SLC44A1: variants seen among roughly 807,000 people sequenced by gnomAD.
The protein encoded by SLC44A1 is solute carrier family 44 member 1.
In SLC44A1, 26 loss-of-function variants were observed where a neutral mutation model predicts 79.3. The observed-to-expected ratio is 0.33, with a 90% CI of 0.24 to 0.46. The LOEUF (loss-of-function observed/expected upper bound fraction) is 0.46, where lower values mean the gene tolerates loss of function less well. Among genes scored for constraint, SLC44A1 ranks in the 20% least tolerant of loss-of-function variants. The probability of loss-of-function intolerance (pLI) is 1.00; values close to 1 mark genes in which losing one functional copy is unlikely to be tolerated. For synonymous variants in SLC44A1, 263 were observed against 286.2 expected (o/e 0.92, Z 0.82); for missense variants, 688 against 798.1 (o/e 0.86, Z 1.66).
rs200699902 is a variant in SLC44A1, at chr9:105,348,449, G to A, written c.498G>A (p.Ala166=). ...SVLCPKLPVP[A]SAPIPFFHRC... ...TCTGCCCCAAACTACCAGTTCCAGC[G>A]AGGTAAATTTTATTGCAAAGTTGTT... Residue 166 remains alanine, a splice_region_variant and synonymous_variant, in exon 5 of 16, where the codon GCG becomes GCA. Transcript: ENST00000374720. 105 of 1,588,488 alleles carry A rather than the reference G, an allele frequency of 6.6e-5. No homozygotes were observed. The highest frequency in any genetic ancestry group is 7.8e-5 in the Non-Finnish European group (90 of 1,157,362).
chr9:105,309,862 C>T lies in SLC44A1; in HGVS notation c.265C>T (p.Arg89Trp), dbSNP rs370558539. Residue 89 changes from arginine (R) to tryptophan (W), a missense_variant, in exon 3 of 16, where the codon CGG (arginine) becomes TGG (tryptophan). By Grantham distance (101) the Arg-to-Trp change is moderately radical. Transcript: ENST00000374720. ...AAACAGTGGCATGGACCACACCCAG[C>T]GGAAGTGAGTAGACTTGCTGAATGA... Reference protein sequence around the residue: ...IPNSGMDHTQRKYVFFLDPCN... With the variant: ...IPNSGMDHTQWKYVFFLDPCN... The T allele has an allele frequency of 2.4e-5, 38 of 1,612,408 alleles. No homozygotes were observed. The highest frequency in any genetic ancestry group is 1.7e-4 in the African/African-American group (13 of 74,976).
chr9:105,417,823 C>T (rs1829190593), intron 15 of SLC44A1, among the ~76,000 whole-genome samples: 1 of 113,312 alleles, frequency 8.8e-6, no homozygotes, highest in South Asian at 2.9e-4. Flanking sequence ...GGCAACATAG[C>T]AAGATCTCAT....
At chr9:105,245,475 C>T (rs1364460382) in intron 1 of SLC44A1, among the ~76,000 whole-genome samples, 2 of 152,228 alleles carry the variant, frequency 1.3e-5, no homozygotes, top group African/African-American at 2.4e-5. Context: ...TCCCGGAGCC[C>T]TTCCACGGCC....
intron 1 of SLC44A1, among the ~76,000 whole-genome samples, chr9:105,290,932 T>G (rs1761627188): frequency 6.6e-6 from 1 of 152,246 alleles, no homozygotes; most frequent in African/African-American, 2.4e-5. Flanking sequence ...TAGTTTTACC[T>G]TTCCATAATG....
In SLC44A1 at chr9:105,389,149, ATATG is replaced by A. The variant is rs1045425756; in HGVS notation, c.*99_*102del. ...TGTGTGTGGGTGTGTGTATATATGT[ATATG>A]TATGTGTGTATATATGTATATGTAT... On this transcript the variant is annotated 3_prime_UTR_variant, in exon 16 of 16. Coordinates refer to ENST00000374720, the MANE Select transcript of SLC44A1 (RefSeq NM_080546.5). 23 of 1,560,350 alleles carry A rather than the reference ATATG, an allele frequency of 1.5e-5. No individual in the cohort carries two copies. In the Admixed American group the frequency reaches 1.7e-4, roughly 11 times the overall value.
intron 5 of SLC44A1, among the ~76,000 whole-genome samples, chr9:105,352,847 AT>A (rs965234637): frequency 3.5e-4 from 54 of 152,178 alleles, no homozygotes; most frequent in African/African-American, 1.2e-3. Context: ...TTATTACTTA[AT>A]TTTTTTTGAT....
At chr9:105,384,636 G>A (rs756780629) in intron 14 of SLC44A1, among the ~76,000 whole-genome samples, 84 of 152,258 alleles carry the variant, frequency 5.5e-4, no homozygotes, top group Non-Finnish European at 8.8e-4. Flanking sequence ...AATGGAATTT[G>A]ATCATGATTA....
At chr9:105,434,109 G>A (rs150397637) in intron 15 of SLC44A1, among the ~76,000 whole-genome samples, 47 of 152,202 alleles carry the variant, frequency 3.1e-4, no homozygotes, top group African/African-American at 1.1e-3. Flanking sequence ...AGGCCAAGGC[G>A]GACGGAACAT....
rs182692376 is a variant in SLC44A1, at chr9:105,291,290, T to G, written c.37-7930T>G. ...GCTTTAAAGATTCTGAGTGTACAAC[T>G]ATTTGTCTTTAATACTGGAGGTTTC... On this transcript the variant is annotated intron_variant, in intron 1 of 15. Transcript: ENST00000374720. Among the ~76,000 whole-genome samples, 466 of 152,372 alleles carry G rather than the reference T, an allele frequency of 3.1e-3. 2 individuals are homozygous for G. The highest frequency in any genetic ancestry group is 0.011 in the African/African-American group (449 of 41,588).
intron 3 of SLC44A1, among the ~76,000 whole-genome samples, chr9:105,310,238 G>A (rs10991618): frequency 0.097 from 14,808 of 151,918 alleles, 1,070 homozygotes; most frequent in African/African-American, 0.19. Flanking sequence ...GAGACAGAGG[G>A]ATGATAATGG....
Position 105,396,986 on chromosome 9 carries a change from T to C in SLC44A1, c.*7930T>C, listed in dbSNP as rs928700837. ...TAGCCCTAGTATTTGTGACGGTCATTATTGACACAGTGCAGACTTTGCAGA... is the reference window on the plus strand; with the variant it reads ...TAGCCCTAGTATTTGTGACGGTCATCATTGACACAGTGCAGACTTTGCAGA... On this transcript the variant is annotated 3_prime_UTR_variant, in exon 16 of 16. Coordinates refer to ENST00000374720, the MANE Select transcript of SLC44A1 (RefSeq NM_080546.5). The C allele has an allele frequency of 5.1e-6, 5 of 985,274 alleles. No individual in the cohort carries two copies. The African/African-American group carries it at 8.7e-5, about 17-fold the overall frequency. 61.0% of individuals were successfully genotyped at this position (985,274 alleles called of 1,614,324 possible).
At chr9:105,372,376 C>T (rs1055482819) in intron 12 of SLC44A1, among the ~76,000 whole-genome samples, 44 of 152,056 alleles carry the variant, frequency 2.9e-4, no homozygotes, top group African/African-American at 1.1e-3. Context: ...GCAACCTCCA[C>T]CTCCCTGGTT....
intron 3 of SLC44A1, among the ~76,000 whole-genome samples, chr9:105,314,817 G>A (rs1335598922): frequency 1.3e-5 from 2 of 152,216 alleles, no homozygotes; most frequent in African/African-American, 2.4e-5. Flanking sequence ...CAGAATCAGA[G>A]TGTGAGTTTT....
intron 4 of SLC44A1, among the ~76,000 whole-genome samples, chr9:105,338,153 CA>C (rs925879824): frequency 1.3e-5 from 2 of 152,150 alleles, no homozygotes; most frequent in Admixed American, 1.3e-4. Flanking sequence ...AAAATTTTAA[CA>C]GGCAAATAGA....
At position 105,356,265 on chromosome 9, in the gene SLC44A1, C is replaced by T; in HGVS notation, c.554C>T (p.Ala185Val). The T allele has an allele frequency of 6.2e-7, 1 of 1,613,502 alleles. No homozygotes were observed. The highest frequency in any genetic ancestry group is 8.5e-7 in the Non-Finnish European group (1 of 1,179,586). ...GCTCCTGTGAACATTTCCTGCTATG[C>T]CAAGTTTGCAGAGGCCCTGATCACC... ...RCAPVNISCY[A>V]KFAEALITFV... Residue 185 changes from alanine (A) to valine (V), a missense_variant, in exon 6 of 16, where the codon GCC becomes GTC. Coordinates refer to ENST00000374720, the MANE Select transcript of SLC44A1 (RefSeq NM_080546.5).
chr9:105,424,252 C>A (rs1376168330), intron 15 of SLC44A1, among the ~76,000 whole-genome samples: 2 of 152,186 alleles, frequency 1.3e-5, no homozygotes, highest in African/African-American at 4.8e-5. Flanking sequence ...TACCACTCTC[C>A]AGAATCCTAG....
At chr9:105,335,274 T>C (rs1826876950) in intron 3 of SLC44A1, among the ~76,000 whole-genome samples, 1 of 152,154 alleles carries the variant, frequency 6.6e-6, no homozygotes, top group Non-Finnish European at 1.5e-5. Flanking sequence ...AAAAAATTAA[T>C]GATTTGAAGA....
At chr9:105,404,502 G>A (rs1050816523) in intron 15 of SLC44A1, among the ~76,000 whole-genome samples, 4 of 152,160 alleles carry the variant, frequency 2.6e-5, no homozygotes, top group African/African-American at 9.7e-5. Context: ...AAGCACTGAT[G>A]TAGGATTTGG....
rs962516362 is a variant in SLC44A1, at chr9:105,397,320, T to C, written c.*8264T>C. On this transcript the variant is annotated 3_prime_UTR_variant, in exon 16 of 16. Coordinates refer to ENST00000374720, the MANE Select transcript of SLC44A1 (RefSeq NM_080546.5). ...TAACAAATGTATAGAATTTTTTATGTAATAAATAAAATTTTATAGGAAAGA... is the reference window on the plus strand; with the variant it reads ...TAACAAATGTATAGAATTTTTTATGCAATAAATAAAATTTTATAGGAAAGA... The C allele has an allele frequency of 3.1e-6, 3 of 978,124 alleles. No individual in the cohort carries two copies. Among genetic ancestry groups the C allele is most frequent in the African/African-American group, 3.5e-5 (2 of 57,104 alleles). The allele number at this position is 978,124 out of a possible 1,614,324, so 60.6% of individuals were successfully genotyped here.
Sources: allele counts gnomAD v4.1 joint callset (sites outside exome capture counted in the v4.1 genomes callset), GRCh38; gene constraint gnomAD v4.1.1; transcripts MANE v1.5; gene names NCBI Gene and HGNC (gene_info 2026-07-23, HGNC 2026-07-21).